The following MTRF1 variants were observed in gnomAD, a reference collection of about 807,000 sequenced individuals.
MTRF1 encodes peptide chain release factor 1, mitochondrial.
Under a neutral mutation model 62.9 loss-of-function variants are expected in MTRF1, and 51 were observed. The ratio of observed to expected loss-of-function variants is 0.81; its 90% CI spans 0.65 to 1.02. MTRF1 has a LOEUF of 1.02. MTRF1 is among the 50% of genes least tolerant of loss of function. The pLI is 0.00. For synonymous variants in MTRF1, 158 were observed against 181.9 expected (o/e 0.87, Z 1.06); for missense variants, 446 against 530.0 (o/e 0.84, Z 1.56).
At chr13:41,296,022 C>T in the MTRF1 span, among the ~76,000 whole-genome samples, 1 of 152,092 alleles carries the variant, frequency 6.6e-6, no homozygotes, top group Non-Finnish European at 1.5e-5. Context: ...ACAATCACAA[C>T]TTGCTGTAAT....
the MTRF1 span, among the ~76,000 whole-genome samples, chr13:41,283,263 T>C: frequency 6.6e-6 from 1 of 152,176 alleles, no homozygotes. Context: ...GTATAAACCA[T>C]TTCCATTTTA....
chr13:41,272,938 G>A, the MTRF1 span, among the ~76,000 whole-genome samples: 1 of 151,986 alleles, frequency 6.6e-6, no homozygotes, highest in Non-Finnish European at 1.5e-5. Flanking sequence ...TTTCTGGAGG[G>A]GTGCTCCCAG....
At chr13:41,271,091 A>ACACACACACACACACACACCCCCC in the MTRF1 span, among the ~76,000 whole-genome samples, 1 of 137,128 alleles carries the variant, frequency 7.3e-6, no homozygotes, top group African/African-American at 2.7e-5. Flanking sequence ...ACACACACAC[A>ACACACACACACACACACACCCCCC]CCCCATATAG....
the MTRF1 span, among the ~76,000 whole-genome samples, chr13:41,290,381 G>A: frequency 2.7e-5 from 4 of 146,754 alleles, no homozygotes; most frequent in Admixed American, 2.1e-4. Context: ...TTACAGGCGT[G>A]AGCCACCACA....
At chr13:41,231,617 G>A (rs1395179121) in intron 7 of MTRF1, among the ~76,000 whole-genome samples, 1 of 152,140 alleles carries the variant, frequency 6.6e-6, no homozygotes, top group East Asian at 1.9e-4. Context: ...TAATAAAAAA[G>A]CTGATTAATC....
chr13:41,310,263 A>T, the MTRF1 span, among the ~76,000 whole-genome samples: 3 of 152,200 alleles, frequency 2.0e-5, no homozygotes, highest in Non-Finnish European at 4.4e-5. Flanking sequence ...AGTATCCCAG[A>T]GTTGGAAGAT....
the MTRF1 span, among the ~76,000 whole-genome samples, chr13:41,299,876 A>G: frequency 6.6e-6 from 1 of 152,250 alleles, no homozygotes; most frequent in Non-Finnish European, 1.5e-5. Context: ...GTGGTCAGAA[A>G]AATCACTAAA....
At chr13:41,311,121 T>C in the MTRF1 span, 2 of 276,656 alleles carry the variant, frequency 7.2e-6, no homozygotes, top group Admixed American at 1.0e-4. Context: ...GGTGCCGAGA[T>C]TGCGGCGAGG....
intron 5 of MTRF1, among the ~76,000 whole-genome samples, chr13:41,248,341 C>T (rs1365856314): frequency 2.0e-5 from 3 of 152,178 alleles, no homozygotes; most frequent in African/African-American, 4.8e-5. Context: ...AAGATGGTCT[C>T]GACCTCCTGA....
the MTRF1 span, among the ~76,000 whole-genome samples, chr13:41,309,170 T>A: frequency 6.6e-6 from 1 of 152,136 alleles, no homozygotes; most frequent in Non-Finnish European, 1.5e-5. Context: ...AGTGCTGCGA[T>A]GAACATACAC....
chr13:41,303,066 C>A, the MTRF1 span, among the ~76,000 whole-genome samples: 1 of 151,938 alleles, frequency 6.6e-6, no homozygotes, highest in East Asian at 1.9e-4. Flanking sequence ...TAAGAAATTC[C>A]AGAAAGAGCC....
At chr13:41,239,903 G>A (rs148653055) in intron 6 of MTRF1, among the ~76,000 whole-genome samples, 2 of 152,274 alleles carry the variant, frequency 1.3e-5, no homozygotes, top group Non-Finnish European at 2.9e-5. Flanking sequence ...GCTCACACCT[G>A]TAATCCCACC....
At chr13:41,291,477 G>C in the MTRF1 span, among the ~76,000 whole-genome samples, 1 of 152,096 alleles carries the variant, frequency 6.6e-6, no homozygotes, top group Admixed American at 6.6e-5. Flanking sequence ...CACCTGGTCA[G>C]CCTGAAACTA....
chr13:41,299,869 G>A, the MTRF1 span, among the ~76,000 whole-genome samples: 1 of 152,082 alleles, frequency 6.6e-6, no homozygotes, highest in South Asian at 2.1e-4. Context: ...CAAATCTGTG[G>A]TCAGAAAAAT....
intron 8 of MTRF1, among the ~76,000 whole-genome samples, chr13:41,224,172 C>T (rs1213115450): frequency 6.6e-6 from 1 of 152,136 alleles, no homozygotes; most frequent in Non-Finnish European, 1.5e-5. Context: ...TCAAGGGATG[C>T]CCTTCTCTAA....
At chr13:41,297,517 C>T in the MTRF1 span, among the ~76,000 whole-genome samples, 1 of 152,054 alleles carries the variant, frequency 6.6e-6, no homozygotes, top group South Asian at 2.1e-4. Flanking sequence ...TTCTCTCCCA[C>T]AATACAAAGT....
At chr13:41,274,891 A>T in the MTRF1 span, among the ~76,000 whole-genome samples, 1 of 151,622 alleles carries the variant, frequency 6.6e-6, no homozygotes. Flanking sequence ...GGGATTACAG[A>T]CATGAGCCTC....
chr13:41,285,643 AT>A, the MTRF1 span, among the ~76,000 whole-genome samples: 2 of 152,188 alleles, frequency 1.3e-5, no homozygotes, highest in Non-Finnish European at 2.9e-5. Context: ...AGTTACTGCT[AT>A]GAGTTCAAGG....
chr13:41,237,449 C>A (rs2036832793), intron 6 of MTRF1, among the ~76,000 whole-genome samples: 1 of 151,322 alleles, frequency 6.6e-6, no homozygotes, highest in Admixed American at 6.6e-5. Flanking sequence ...AACATAACCA[C>A]ACAGAAAAAA....
Sources: gnomAD v4.1 joint callset for allele counts (sites outside exome capture counted in the v4.1 genomes callset) on GRCh38, gnomAD v4.1.1 for gene constraint, MANE v1.5 for transcripts, NCBI Gene and HGNC (gene_info 2026-07-23, HGNC 2026-07-21) for gene names.